Variants in NCOA3 observed in about 807,000 individuals in gnomAD.
The protein encoded by NCOA3 is nuclear receptor coactivator 3.
NCOA3 carries 51 observed loss-of-function variants against 158.8 expected under a neutral mutation model. That is an observed-to-expected ratio of 0.32 (90% CI 0.26 to 0.41). The LOEUF is 0.41. NCOA3 is among the 10% of genes least tolerant of loss of function. The pLI, the probability that NCOA3 is intolerant of heterozygous loss-of-function variation, is 1.00. For missense variants in NCOA3, 1,510 were observed against 1,746.6 expected (o/e 0.86, Z 2.41); for synonymous variants, 537 against 592.4 (o/e 0.91, Z 1.36).
chr20:47,617,008 G>T (rs1164905789), intron 2 of NCOA3, among the ~76,000 whole-genome samples: 1 of 152,136 alleles, frequency 6.6e-6, no homozygotes, highest in South Asian at 2.1e-4. Flanking sequence ...AGGCTGGAGT[G>T]CAGTGGCGCG....
intron 1 of NCOA3, among the ~76,000 whole-genome samples, chr20:47,509,168 C>T (rs1261213793): frequency 6.6e-6 from 1 of 151,998 alleles, no homozygotes; most frequent in Non-Finnish European, 1.5e-5. Context: ...AGAGGAGGAT[C>T]ACTTGAGCCC....
chr20:47,572,861 G>A (rs2085315768), intron 1 of NCOA3, among the ~76,000 whole-genome samples: 1 of 152,124 alleles, frequency 6.6e-6, no homozygotes, highest in South Asian at 2.1e-4. Flanking sequence ...GACTTAAAGT[G>A]AGAGATGTGC....
intron 2 of NCOA3, among the ~76,000 whole-genome samples, chr20:47,585,977 A>G (rs929411960): frequency 2.7e-5 from 4 of 150,364 alleles, no homozygotes; most frequent in Admixed American, 6.6e-5. Flanking sequence ...TTGGAGTGCA[A>G]TGGCGCGATC....
intron 1 of NCOA3, among the ~76,000 whole-genome samples, chr20:47,519,564 T>A (rs2084292833): frequency 6.6e-6 from 1 of 152,074 alleles, no homozygotes; most frequent in South Asian, 2.1e-4. Flanking sequence ...AAAAACAGTA[T>A]GTCTGAAACC....
At chr20:47,560,040 C>A (rs942526703) in intron 1 of NCOA3, among the ~76,000 whole-genome samples, 7 of 152,188 alleles carry the variant, frequency 4.6e-5, no homozygotes, top group Admixed American at 6.5e-5. Context: ...CCCACCTTGG[C>A]CTCCCAAAGT....
At chr20:47,614,512 C>T (rs1478994773) in intron 2 of NCOA3, among the ~76,000 whole-genome samples, 1 of 152,094 alleles carries the variant, frequency 6.6e-6, no homozygotes, top group Non-Finnish European at 1.5e-5. Context: ...AGAAATACAC[C>T]AAACCTCTCT....
intron 1 of NCOA3, among the ~76,000 whole-genome samples, chr20:47,535,312 C>T (rs2084614808): frequency 6.6e-6 from 1 of 152,154 alleles, no homozygotes; most frequent in South Asian, 2.1e-4. Context: ...TGAGTGTTTC[C>T]AGCTCCTGAA....
chr20:47,559,504 C>T (rs1483440403), intron 1 of NCOA3, among the ~76,000 whole-genome samples: 1 of 152,142 alleles, frequency 6.6e-6, no homozygotes, highest in Non-Finnish European at 1.5e-5. Context: ...TGCCTTATAT[C>T]CTGATGCTTG....
At chr20:47,534,779 G>T (rs1335061776) in intron 1 of NCOA3, among the ~76,000 whole-genome samples, 4 of 152,176 alleles carry the variant, frequency 2.6e-5, no homozygotes, top group African/African-American at 9.6e-5. Context: ...GTCTGGGTGT[G>T]GTGGCGTGCA....
chr20:47,525,657 G>T (rs2084423400), intron 1 of NCOA3, among the ~76,000 whole-genome samples: 1 of 84,438 alleles, frequency 1.2e-5, no homozygotes, highest in Non-Finnish European at 2.5e-5. Flanking sequence ...TGGCCGGACG[G>T]GGGGGCTGAC....
chr20:47,594,649 A>C (rs2085714669), intron 2 of NCOA3, among the ~76,000 whole-genome samples: 1 of 119,454 alleles, frequency 8.4e-6, no homozygotes, highest in African/African-American at 3.2e-5. Flanking sequence ...TGGGCGACAG[A>C]GCGAGACTCT....
At chr20:47,593,404 G>A (rs111227789) in intron 2 of NCOA3, among the ~76,000 whole-genome samples, 2,358 of 134,140 alleles carry the variant, frequency 0.018, 58 homozygotes, top group African/African-American at 0.062. Context: ...GTGCAGTGGT[G>A]CGTCGCGGCT....
At chr20:47,546,090 A>G (rs1395744520) in intron 1 of NCOA3, among the ~76,000 whole-genome samples, 1 of 152,122 alleles carries the variant, frequency 6.6e-6, no homozygotes, top group African/African-American at 2.4e-5. Flanking sequence ...GAACCTTTTC[A>G]TTTAGATTTC....
intron 2 of NCOA3, among the ~76,000 whole-genome samples, chr20:47,600,160 A>T (rs1052165358): frequency 1.4e-5 from 2 of 139,448 alleles, no homozygotes; most frequent in Non-Finnish European, 3.0e-5. Flanking sequence ...TATATATTTT[A>T]TATATATATA....
chr20:47,574,007 A>G (rs1410299193), intron 1 of NCOA3, among the ~76,000 whole-genome samples: 1 of 152,180 alleles, frequency 6.6e-6, no homozygotes, highest in Non-Finnish European at 1.5e-5. Flanking sequence ...ATCTAACACC[A>G]TTTGTTCAGT....
intron 1 of NCOA3, among the ~76,000 whole-genome samples, chr20:47,560,624 A>G (rs948525449): frequency 6.6e-6 from 1 of 152,108 alleles, no homozygotes; most frequent in Non-Finnish European, 1.5e-5. Context: ...CATTGTTTTA[A>G]TTAGCAGTCC....
intron 1 of NCOA3, among the ~76,000 whole-genome samples, chr20:47,568,606 C>T (rs1176728944): frequency 1.3e-5 from 2 of 152,170 alleles, no homozygotes; most frequent in East Asian, 3.9e-4. Context: ...GCGTGGGCAA[C>T]ATGGCAAGAT....
At chr20:47,532,436 G>T (rs2146109260) in intron 1 of NCOA3, among the ~76,000 whole-genome samples, 1 of 152,218 alleles carries the variant, frequency 6.6e-6, no homozygotes. Flanking sequence ...GCAGACAGTT[G>T]TAAGGACTTC....
chr20:47,587,064 A>G (rs1001884599), intron 2 of NCOA3, among the ~76,000 whole-genome samples: 1 of 152,146 alleles, frequency 6.6e-6, no homozygotes, highest in African/African-American at 2.4e-5. Flanking sequence ...CTCTTGTCTG[A>G]TCCAGCTTTT....
Sources: gnomAD v4.1 joint callset for allele counts (sites outside exome capture counted in the v4.1 genomes callset) on GRCh38, gnomAD v4.1.1 for gene constraint, MANE v1.5 for transcripts, NCBI Gene and HGNC (gene_info 2026-07-23, HGNC 2026-07-21) for gene names.